The following RNF125 variants were observed in gnomAD, a reference collection of about 807,000 sequenced individuals.
The protein encoded by RNF125 is ring finger protein 125.
RNF125 carries 21 observed loss-of-function variants against 26.0 expected under a neutral mutation model. That is an observed-to-expected ratio of 0.81 (90% confidence interval 0.57 to 1.16). The LOEUF is 1.16. Ranked by LOEUF, RNF125 falls within the 50% of genes most tolerant of loss-of-function variation. The probability of loss-of-function intolerance (pLI) is 0.00; values close to 1 mark genes in which losing one functional copy is unlikely to be tolerated. For missense variants in RNF125, 270 were observed against 299.4 expected (o/e 0.90, Z 0.72); for synonymous variants, 95 against 109.2 (o/e 0.87, Z 0.81).
the RNF125 span, among the ~76,000 whole-genome samples, chr18:32,086,220 CT>C: frequency 0.091 from 12,407 of 136,426 alleles, 623 homozygotes; most frequent in African/African-American, 0.15. Flanking sequence ...GTAGATTTGT[CT>C]TTTTTTTTTT....
At chr18:32,061,114 T>C (rs1016465745) in intron 4 of RNF125, among the ~76,000 whole-genome samples, 3 of 152,100 alleles carry the variant, frequency 2.0e-5, no homozygotes, top group African/African-American at 7.2e-5. Flanking sequence ...AAGCTCCGCC[T>C]CCTGGGTTCA....
chr18:32,041,378 GCA>G (rs1022210531), intron 2 of RNF125, among the ~76,000 whole-genome samples: 15 of 152,018 alleles, frequency 9.9e-5, no homozygotes, highest in African/African-American at 3.6e-4. Context: ...TTTCCCTAAG[GCA>G]CAGTGTTTCA....
chr18:32,054,000 G>C (rs2039354878), intron 4 of RNF125, among the ~76,000 whole-genome samples: 1 of 151,348 alleles, frequency 6.6e-6, no homozygotes, highest in South Asian at 2.1e-4. Context: ...TTTAGGAAAT[G>C]CATCCTAATA....
chr18:32,019,710 G>A (rs986768357), intron 1 of RNF125, among the ~76,000 whole-genome samples: 31 of 152,104 alleles, frequency 2.0e-4, no homozygotes, highest in African/African-American at 7.2e-4. Flanking sequence ...GGTGGGGCTT[G>A]GACGTTAGCC....
the RNF125 span, among the ~76,000 whole-genome samples, chr18:32,081,501 C>T: frequency 8.5e-5 from 13 of 152,264 alleles, no homozygotes; most frequent in African/African-American, 2.4e-4. Flanking sequence ...AAGCACAGAA[C>T]ATTGTTTGCT....
chr18:32,085,347 A>C, the RNF125 span, among the ~76,000 whole-genome samples: 1 of 150,872 alleles, frequency 6.6e-6, no homozygotes, highest in Non-Finnish European at 1.5e-5. Flanking sequence ...CCAAAACCGC[A>C]GAAGAAATGA....
Position 32,045,751 on chromosome 18 carries a change from T to C in RNF125, c.504+19T>C. The C allele has an allele frequency of 6.6e-7, 1 of 1,504,244 alleles. No individual in the cohort carries two copies. The highest frequency in any genetic ancestry group is 9.2e-7 in the Non-Finnish European group (1 of 1,082,312). The allele number at this position is 1,504,244 out of a possible 1,614,324, so 93.2% of individuals were successfully genotyped here. A position where few individuals can be genotyped will look rare whatever the true frequency, so the allele number is the denominator to read the frequency against. The stretch of plus-strand genomic sequence containing the variant: ...GCCTGTGGTAAGGATTTTTGTTACA[T>C]GTATTACAGCAATGTCTGAATTCAG... On this transcript the variant is annotated intron_variant, in intron 4 of 5. Transcript: ENST00000217740.
chr18:32,051,694 CTTTTT>C (rs71177837), intron 4 of RNF125, among the ~76,000 whole-genome samples: 1 of 118,032 alleles, frequency 8.5e-6, no homozygotes, highest in Non-Finnish European at 1.6e-5. Flanking sequence ...TATTTTCTTT[CTTTTT>C]TTTTTTTTTT....
chr18:32,055,726 A>G (rs1198011463), intron 4 of RNF125, among the ~76,000 whole-genome samples: 1 of 152,156 alleles, frequency 6.6e-6, no homozygotes, highest in East Asian at 1.9e-4. Context: ...CATGCCTGTA[A>G]TCCCAGCACT....
At chr18:32,061,332 C>G (rs925031470) in intron 4 of RNF125, among the ~76,000 whole-genome samples, 2 of 152,128 alleles carry the variant, frequency 1.3e-5, no homozygotes, top group African/African-American at 4.8e-5. Flanking sequence ...CCTAAAATTC[C>G]AGGTTTTCTG....
chr18:32,018,921 C>T lies in RNF125; in HGVS notation c.58C>T (p.Arg20Trp). 2.5e-6 allele frequency: 4 copies of T among 1,610,276 alleles called. No homozygotes were observed. The highest frequency in any genetic ancestry group is 2.5e-6 in the Non-Finnish European group (3 of 1,178,446). Reference protein sequence around the residue: ...GKSAPASATARALERRRDPEL... With the variant: ...GKSAPASATAWALERRRDPEL... ...ATCGGCGCCCGCCTCTGCCACCGCG[C>T]GGGCCCTGGAGCGCAGGAGGGACCC... The change falls in exon 1 of 6, where the codon CGG becomes TGG. Residue 20 changes from arginine (R) to tryptophan (W), a missense_variant. Physicochemically the swap from Arg to Trp is moderately radical, Grantham distance 101 (BLOSUM62 -3). Coordinates refer to ENST00000217740, the MANE Select transcript of RNF125 (RefSeq NM_017831.4).
chr18:32,074,422 G>A (rs945367509), downstream of RNF125, among the ~76,000 whole-genome samples: 2 of 152,188 alleles, frequency 1.3e-5, no homozygotes, highest in Non-Finnish European at 2.9e-5. Context: ...TGACAAGACA[G>A]GAAGTACACA....
chr18:32,053,640 T>A (rs1239389060), intron 4 of RNF125, among the ~76,000 whole-genome samples: 2 of 128,264 alleles, frequency 1.6e-5, no homozygotes, highest in African/African-American at 1.0e-4. Flanking sequence ...TTTTAAAAAT[T>A]AGCCAGGCAC....
intron 4 of RNF125, among the ~76,000 whole-genome samples, chr18:32,050,865 C>CCTT (rs1491509832): frequency 1.3e-4 from 6 of 46,342 alleles, no homozygotes; most frequent in South Asian, 1.1e-3. Context: ...GTCTAGAGTG[C>CCTT]TTTTTTTTTT....
the RNF125 span, among the ~76,000 whole-genome samples, chr18:32,086,450 C>T: frequency 2.0e-5 from 3 of 151,346 alleles, no homozygotes; most frequent in Non-Finnish European, 2.9e-5. Flanking sequence ...CTCCCAGGCT[C>T]AACCAGTCTT....
At chr18:32,036,582 AAAGG>A (rs1442896092) in intron 1 of RNF125, among the ~76,000 whole-genome samples, 1 of 127,296 alleles carries the variant, frequency 7.9e-6, no homozygotes, top group Admixed American at 8.0e-5. Flanking sequence ...GGAAGGAAGG[AAAGG>A]AAGGAAGGAA....
intron 4 of RNF125, among the ~76,000 whole-genome samples, chr18:32,060,774 C>T (rs1259840194): frequency 6.6e-6 from 1 of 152,228 alleles, no homozygotes; most frequent in Non-Finnish European, 1.5e-5. Flanking sequence ...GTACCGACTT[C>T]AGCCCATTGT....
Position 32,049,557 on chromosome 18 carries a change from CAGTT to C in RNF125, c.504+3828_504+3831del, listed in dbSNP as rs1338613274. Among the ~76,000 whole-genome samples the C allele has an allele frequency of 3.4e-5, 5 of 149,230 alleles. No individual in the cohort carries two copies. In the South Asian group the frequency reaches 8.5e-4, roughly 25 times the overall value. ...TCTTAGAGGAAGTGATGTCCTCTCACAGTTAGAGAACCCACATGGGGTGGTGGTG... is the reference window on the plus strand; with the variant it reads ...TCTTAGAGGAAGTGATGTCCTCTCACAGAGAACCCACATGGGGTGGTGGTG... On this transcript the variant is annotated intron_variant, in intron 4 of 5. Transcript: ENST00000217740.
chr18:32,055,140 A>G (rs2039367785), intron 4 of RNF125, among the ~76,000 whole-genome samples: 1 of 151,776 alleles, frequency 6.6e-6, no homozygotes, highest in South Asian at 2.1e-4. Context: ...CTACAACAAC[A>G]ACAACAAAAT....
Sources: allele counts gnomAD v4.1 joint callset (sites outside exome capture counted in the v4.1 genomes callset), GRCh38; gene constraint gnomAD v4.1.1; transcripts MANE v1.5; gene names NCBI Gene and HGNC (gene_info 2026-07-23, HGNC 2026-07-21).